Variants in ASRGL1 observed in about 807,000 individuals in gnomAD.
ASRGL1 encodes the protein isoaspartyl peptidase/L-asparaginase.
A neutral mutation model predicts 22.4 loss-of-function variants in ASRGL1; 16 were observed. That is an observed-to-expected ratio of 0.71 (90% confidence interval 0.48 to 1.08). The LOEUF is 1.08. Ranked by LOEUF, ASRGL1 falls within the 50% of genes least tolerant of loss-of-function variation. The pLI, the probability that ASRGL1 is intolerant of heterozygous loss-of-function variation, is 0.00. For synonymous variants in ASRGL1, 165 were observed against 159.3 expected, an observed-to-expected ratio of 1.04 and a Z score of -0.27; for missense variants, 412 against 410.1, an observed-to-expected ratio of 1.00 and a Z score of -0.04.
chr11:62,349,476 C>T (rs1351890463), intron 2 of ASRGL1, among the ~76,000 whole-genome samples: 3 of 152,164 alleles, frequency 2.0e-5, no homozygotes, highest in African/African-American at 7.2e-5. Context: ...AAGGCAGTTT[C>T]AATGTTTCCA....
intron 2 of ASRGL1, among the ~76,000 whole-genome samples, chr11:62,343,844 C>T (rs942089084): frequency 6.7e-6 from 1 of 150,134 alleles, no homozygotes; most frequent in Admixed American, 6.7e-5. Context: ...TGGAATCTTA[C>T]GATGTTGATT....
At chr11:62,339,539 T>C (rs1230421731) in intron 2 of ASRGL1, among the ~76,000 whole-genome samples, 1 of 152,220 alleles carries the variant, frequency 6.6e-6, no homozygotes, top group Non-Finnish European at 1.5e-5. Flanking sequence ...TATCAGGCAG[T>C]GGTCTAAGAA....
intron 4 of ASRGL1, chr11:62,372,387 G>T: frequency 6.4e-7 from 1 of 1,560,160 alleles, no homozygotes. Context: ...TACCAAAATG[G>T]CCTGTGAGGC....
chr11:62,343,614 G>A (rs995511890), intron 2 of ASRGL1, among the ~76,000 whole-genome samples: 2 of 150,466 alleles, frequency 1.3e-5, no homozygotes, highest in African/African-American at 4.9e-5. Flanking sequence ...TGTAGTCCCA[G>A]CCACTCGGGA....
intron 6 of ASRGL1, 166 bp from the exon 7 acceptor site, chr11:62,391,913 G>A: frequency 1.2e-6 from 1 of 823,096 alleles, no homozygotes; most frequent in South Asian, 1.7e-5. Context: ...CTGATGCTAG[G>A]GCGCTGTCTC....
intron 4 of ASRGL1, among the ~76,000 whole-genome samples, chr11:62,359,836 C>A (rs1247867253): frequency 1.3e-5 from 2 of 151,980 alleles, no homozygotes; most frequent in Admixed American, 6.6e-5. Context: ...CAGTTAATTT[C>A]AAAAATACAG....
chr11:62,392,387 C>T lies in ASRGL1; in HGVS notation c.*103C>T, dbSNP rs188148641. 5.3e-4 allele frequency: 733 copies of T among 1,373,920 alleles called. 1 individual carries two copies. The highest frequency in any genetic ancestry group is 5.0e-3 in the East Asian group (208 of 41,380). The allele number at this position is 1,373,920 out of a possible 1,614,324, so 85.1% of individuals were successfully genotyped here. ...AGATCTAGAATTGGAAAAATTGTCCCGTCTGTCACTTGTTTTGTTGCCTTA... is the reference window on the plus strand; with the variant it reads ...AGATCTAGAATTGGAAAAATTGTCCTGTCTGTCACTTGTTTTGTTGCCTTA... On this transcript the variant is annotated 3_prime_UTR_variant, in exon 7 of 7. Coordinates refer to ENST00000415229, the MANE Select transcript of ASRGL1 (RefSeq NM_001083926.2).
intron 2 of ASRGL1, among the ~76,000 whole-genome samples, chr11:62,354,651 A>G (rs1310265275): frequency 6.6e-6 from 1 of 152,148 alleles, no homozygotes; most frequent in African/African-American, 2.4e-5. Context: ...CAGTGTGGAT[A>G]TGCTGGAGAA....
chr11:62,372,755 G>A, intron 4 of ASRGL1: 2 of 1,544,004 alleles, frequency 1.3e-6, no homozygotes, highest in Middle Eastern at 1.7e-4. Flanking sequence ...ACTTCCCTGG[G>A]CATGGGGCTT....
chr11:62,373,229 T>C, intron 4 of ASRGL1: 3 of 849,654 alleles, frequency 3.5e-6, no homozygotes, highest in Non-Finnish European at 6.1e-6. Flanking sequence ...GTCATTTCCA[T>C]GTGCACTGGG....
chr11:62,388,274 T>G (rs574847855), intron 4 of ASRGL1, among the ~76,000 whole-genome samples: 1 of 152,304 alleles, frequency 6.6e-6, no homozygotes, highest in East Asian at 1.9e-4. Context: ...GAATTCATAA[T>G]AAAATGTTAG....
chr11:62,399,037 G>A, the ASRGL1 span, among the ~76,000 whole-genome samples: 1 of 152,128 alleles, frequency 6.6e-6, no homozygotes, highest in Admixed American at 6.6e-5. Context: ...ACGTGGTGGT[G>A]CAAAACCCCG....
chr11:62,372,284 G>A lies in ASRGL1; in HGVS notation c.491+15140G>A, dbSNP rs191208912. On this transcript the variant is annotated intron_variant, in intron 4 of 6. Coordinates refer to ENST00000415229, the MANE Select transcript of ASRGL1 (RefSeq NM_001083926.2). Reference sequence around the variant, plus strand: ...TGACGGAAACGGGCTCCGTGTTTGCGTTTGGGGAAAACAAGATGGGGCAGC... The same window carrying A: ...TGACGGAAACGGGCTCCGTGTTTGCATTTGGGGAAAACAAGATGGGGCAGC... 2.8e-3 allele frequency: 4,496 copies of A among 1,601,768 alleles called. 146 individuals carry two copies. In the South Asian group the frequency reaches 0.044, roughly 16 times the overall value.
chr11:62,397,480 C>G (rs1947445082), downstream of ASRGL1, among the ~76,000 whole-genome samples: 1 of 152,086 alleles, frequency 6.6e-6, no homozygotes, highest in Non-Finnish European at 1.5e-5. Context: ...GTCTGACCAA[C>G]ATGGAGAAAC....
chr11:62,385,031 A>G (rs921038377), intron 4 of ASRGL1, among the ~76,000 whole-genome samples: 14 of 146,736 alleles, frequency 9.5e-5, no homozygotes, highest in Non-Finnish European at 1.7e-4. Flanking sequence ...TAACTTCCCA[A>G]TATTAAATAT....
intron 2 of ASRGL1, 80 bp from the exon 3 acceptor site, chr11:62,356,245 G>T (rs2463837): frequency 1.3e-6 from 2 of 1,527,330 alleles, no homozygotes; most frequent in East Asian, 2.3e-5. Flanking sequence ...CTGGCCGGGC[G>T]GGGGGCTGAC....
chr11:62,395,311 AG>A (rs1947418769), downstream of ASRGL1, among the ~76,000 whole-genome samples: 1 of 152,046 alleles, frequency 6.6e-6, no homozygotes. Context: ...TGCTCCTTCC[AG>A]CCAGGAAGAC....
intron 4 of ASRGL1, chr11:62,372,380 CAA>C: frequency 6.4e-7 from 1 of 1,556,840 alleles, no homozygotes; most frequent in East Asian, 2.2e-5. Flanking sequence ...TGCCAATTAC[CAA>C]AATGGCCTGT....
chr11:62,376,628 G>A (rs553331816), intron 4 of ASRGL1, among the ~76,000 whole-genome samples: 72 of 152,160 alleles, frequency 4.7e-4, no homozygotes, highest in Non-Finnish European at 8.4e-4. Flanking sequence ...TGCATCTGAG[G>A]AGTGGTACAC....
Sources: allele counts gnomAD v4.1 joint callset (sites outside exome capture counted in the v4.1 genomes callset), GRCh38; gene constraint gnomAD v4.1.1; transcripts MANE v1.5; gene names NCBI Gene and HGNC (gene_info 2026-07-23, HGNC 2026-07-21).